The following PPFIA4 variants were observed in gnomAD, a reference collection of about 807,000 sequenced individuals.
The protein encoded by PPFIA4 is PPFI scaffold protein A4.
PPFIA4 carries 98 observed loss-of-function variants against 145.7 expected under a neutral mutation model. The observed-to-expected ratio is 0.67, with a 90% CI of 0.57 to 0.80. The LOEUF (loss-of-function observed/expected upper bound fraction) is 0.80. PPFIA4 is among the 30% of genes least tolerant of loss of function. The pLI is 0.00. For missense variants in PPFIA4, 1,457 were observed against 1,632.7 expected (o/e 0.89, Z 1.85); for synonymous variants, 628 against 649.6 (o/e 0.97, Z 0.51).
intron 1 of PPFIA4, chr1:203,035,677 G>A: frequency 2.2e-6 from 1 of 456,718 alleles, no homozygotes; most frequent in South Asian, 1.5e-5. Flanking sequence ...GAGTTGAGGA[G>A]GCTTCTGTTA....
At chr1:203,031,193 G>T (rs963707065) in intron 1 of PPFIA4, among the ~76,000 whole-genome samples, 4 of 152,116 alleles carry the variant, frequency 2.6e-5, no homozygotes, top group African/African-American at 9.7e-5. Context: ...GAGTAGCTGG[G>T]AATACAGGTG....
chr1:203,051,542 C>G (rs970543497), intron 13 of PPFIA4: 2 of 816,264 alleles, frequency 2.5e-6, no homozygotes, highest in Admixed American at 8.1e-5. Flanking sequence ...CGGAAAACCG[C>G]TCTCTGGAAC....
At position 203,038,832 on chromosome 1, in the gene PPFIA4, A is replaced by G. The variant is rs2102620937; in HGVS notation, c.-177A>G. 1 of 533,480 alleles carries G rather than the reference A, an allele frequency of 1.9e-6. No homozygotes were observed. 33.0% of individuals were successfully genotyped at this position (533,480 alleles called of 1,614,324 possible). A position where few individuals can be genotyped will look rare whatever the true frequency, so the allele number is the denominator to read the frequency against. On this transcript the variant is annotated 5_prime_UTR_variant, in exon 2 of 30. Transcript: ENST00000295706. ...GCTCAGTTCCACAGGGGCACTCCAG[A>G]CCCCAGGCCCCTTTCAGAGCAAAAG...
chr1:203,075,770 C>T lies in PPFIA4; in HGVS notation c.3574+13C>T, dbSNP rs750228650. 11 of 1,355,894 alleles carry T rather than the reference C, an allele frequency of 8.1e-6. No homozygotes were observed. The highest frequency in any genetic ancestry group is 2.0e-4 in the Middle Eastern group (1 of 5,006). The allele number at this position is 1,355,894 out of a possible 1,614,324, so 84.0% of individuals were successfully genotyped here. A position where few individuals can be genotyped will look rare whatever the true frequency, so the allele number is the denominator to read the frequency against. ...ATCATGCCTGAAGGTGAGTAACAGGCGGGCTGGGCATGGCCGAGGCCCAGC... is the reference window on the plus strand; with the variant it reads ...ATCATGCCTGAAGGTGAGTAACAGGTGGGCTGGGCATGGCCGAGGCCCAGC... On this transcript the variant is annotated intron_variant, in intron 29 of 29. Transcript: ENST00000295706. This position sits in a 1 kb window ranked among gnomAD's most constrained non-coding sequence, Gnocchi z 4.1.
At chr1:203,027,837 G>A (rs897423221) in intron 1 of PPFIA4, among the ~76,000 whole-genome samples, 7 of 152,158 alleles carry the variant, frequency 4.6e-5, no homozygotes, top group African/African-American at 1.7e-4. Flanking sequence ...TCCCCATTCT[G>A]TTACATTGCT....
rs753307268 is a variant in PPFIA4, at chr1:203,048,221, C to T, written c.1141-6C>T. 1 of 1,612,632 alleles carries T rather than the reference C, an allele frequency of 6.2e-7. No individual in the cohort carries two copies. Among genetic ancestry groups the T allele is most frequent in the Admixed American group, 1.7e-5 (1 of 59,986 alleles). ...GCGGGCTGCACCGACCCATCCCTGC[C>T]CCTAGGCTGAAGAACGGCATGGCAA... On this transcript the variant is annotated splice_polypyrimidine_tract_variant and splice_region_variant and intron_variant, in intron 9 of 29. Coordinates refer to ENST00000295706, the MANE Select transcript of PPFIA4 (RefSeq NM_001304331.2). The surrounding 1 kb of genome is among the most constrained non-coding windows in gnomAD (Gnocchi z 5.8).
At chr1:203,057,025 C>G (rs527624618) in intron 19 of PPFIA4, 75 bp downstream of exon 19, 9 of 1,580,770 alleles carry the variant, frequency 5.7e-6, no homozygotes, top group Admixed American at 5.1e-5. Flanking sequence ...CTTGGACTGG[C>G]CTTCTCTGCC....
At chr1:203,028,856 C>T (rs770441238) in intron 1 of PPFIA4, among the ~76,000 whole-genome samples, 3 of 152,142 alleles carry the variant, frequency 2.0e-5, no homozygotes, top group African/African-American at 7.2e-5. Flanking sequence ...CTGTCCCCCT[C>T]TGGCCTGCTA....
intron 1 of PPFIA4, among the ~76,000 whole-genome samples, chr1:203,029,201 C>T (rs914074595): frequency 3.3e-5 from 5 of 152,172 alleles, no homozygotes; most frequent in African/African-American, 1.2e-4. Context: ...CGATTGCTGC[C>T]CAGCTCATTG....
In PPFIA4 at chr1:203,055,321, G is replaced by A. The variant is rs1660847829; in HGVS notation, c.1830-111G>A. On this transcript the variant is annotated intron_variant, in intron 15 of 29. Transcript: ENST00000295706. This position sits in a 1 kb window ranked among gnomAD's most constrained non-coding sequence, Gnocchi z 4.8. ...TCCAGTGGGACAGACAAAGCCTGGC[G>A]GGTGTACACCGCATGTGGTCCTTGG... 5 of 1,389,434 alleles carry A rather than the reference G, an allele frequency of 3.6e-6. No homozygotes were observed. Among genetic ancestry groups the A allele is most frequent in the Non-Finnish European group, 5.0e-6 (5 of 992,084 alleles). The allele number at this position is 1,389,434 out of a possible 1,614,324, so 86.1% of individuals were successfully genotyped here.
Position 203,046,044 on chromosome 1 carries a change from C to T in PPFIA4, c.1005+57C>T, listed in dbSNP as rs1035908211. Reference sequence around the variant, plus strand: ...TTGTACTTAGCCCTGGAGGTGTCCTCGTGAACCTACTGGTGATGGCTGAGG... The same window carrying T: ...TTGTACTTAGCCCTGGAGGTGTCCTTGTGAACCTACTGGTGATGGCTGAGG... On this transcript the variant is annotated intron_variant, in intron 8 of 29. Transcript: ENST00000295706. 2.2e-5 allele frequency: 36 copies of T among 1,607,028 alleles called. No homozygotes were observed. In the African/African-American group the frequency reaches 2.7e-4, roughly 12 times the overall value.
intron 6 of PPFIA4, 128 bp from the exon 7 acceptor site, chr1:203,045,240 C>A: frequency 1.3e-6 from 1 of 796,194 alleles, no homozygotes; most frequent in Non-Finnish European, 2.0e-6. Context: ...CAGAGGAGTG[C>A]TGTGATGTTG....
chr1:203,045,394 G>A lies in PPFIA4; in HGVS notation c.693G>A (p.Leu231=), dbSNP rs1445228280. ...AGGATACGGGCCGGGTAGAGGAGCT[G>A]CAGGAGCTCCTGGAGAAGCAGAACT... ...WKEDTGRVEE[L]QELLEKQNFE... Residue 231 remains leucine, a synonymous_variant, in exon 7 of 30, where the codon CTG becomes CTA. Transcript: ENST00000295706. The A allele has an allele frequency of 1.2e-6, 2 of 1,606,268 alleles. No individual in the cohort carries two copies. Among genetic ancestry groups the A allele is most frequent in the South Asian group, 1.1e-5 (1 of 89,568 alleles).
rs1176343736 is a variant in PPFIA4, at chr1:203,077,611, T to C, written c.*1221T>C. On this transcript the variant is annotated 3_prime_UTR_variant, in exon 30 of 30. Coordinates refer to ENST00000295706, the MANE Select transcript of PPFIA4 (RefSeq NM_001304331.2). ...ACCTAACCCTCATCCAGGGCTATTT[T>C]GGTGGGCAGGGACTGCCTCCTCCCG... 6.6e-6 allele frequency: 1 copy of C among 152,200 alleles called. No individual in the cohort carries two copies. The highest frequency in any genetic ancestry group is 1.5e-5 in the Non-Finnish European group (1 of 68,038). 9.4% of individuals were successfully genotyped at this position (152,200 alleles called of 1,614,324 possible).
At chr1:203,056,534 G>A in intron 18 of PPFIA4, 26 bp downstream of exon 18, 1 of 1,608,724 alleles carries the variant, frequency 6.2e-7, no homozygotes, top group Non-Finnish European at 8.5e-7. Context: ...CCCACCTCCA[G>A]TCTCTCCATC....
rs1338692482 is a variant in PPFIA4 at position 203,048,939 on chromosome 1, G to A, written c.1378G>A (p.Glu460Lys). 6.5e-7 allele frequency: 1 copy of A among 1,548,402 alleles called. No homozygotes were observed. Among genetic ancestry groups the A allele is most frequent in the Non-Finnish European group, 8.7e-7 (1 of 1,146,862 alleles). ...EEKNTLIQEL[E>K]SSQRQIEEQH... ...CCAGAACACGTTGATCCAGGAGTTG[G>A]AGAGCTCCCAGCGGCAGATTGAGGA... Residue 460 changes from glutamate (E) to lysine (K), a missense_variant, in exon 12 of 30, where the codon GAG becomes AAG. Glu to Lys is a moderately conservative substitution (Grantham distance 56). Coordinates refer to ENST00000295706, the MANE Select transcript of PPFIA4 (RefSeq NM_001304331.2). The surrounding 1 kb of genome is among the most constrained non-coding windows in gnomAD (Gnocchi z 5.8).
At chr1:203,033,492 A>G (rs1363221507) in intron 1 of PPFIA4, among the ~76,000 whole-genome samples, 1 of 152,156 alleles carries the variant, frequency 6.6e-6, no homozygotes, top group Non-Finnish European at 1.5e-5. Flanking sequence ...TGATCTCAGC[A>G]CTTTGTGTAG....
At chr1:203,029,134 C>A (rs1164965292) in intron 1 of PPFIA4, among the ~76,000 whole-genome samples, 1 of 152,146 alleles carries the variant, frequency 6.6e-6, no homozygotes, top group East Asian at 1.9e-4. Flanking sequence ...CAGGGCTGGT[C>A]TGAGCCTGAG....
In PPFIA4 at chr1:203,060,391, C is replaced by G; in HGVS notation, c.2758C>G (p.Pro920Ala). Residue 920 changes from proline to alanine, a missense_variant, in exon 22 of 30, where the codon CCC (proline) becomes GCC (alanine). By Grantham distance (27) the Pro-to-Ala change is conservative. Transcript: ENST00000295706. This position sits in a 1 kb window ranked among gnomAD's most constrained non-coding sequence, Gnocchi z 4.8. ...AIQEMVSLTS[P>A]SAPPTSRTSS... is the part of the protein sequence containing the mutation. ...TCAGGAGATGGTGTCATTGACCAGC[C>G]CCTCTGCCCCACCCACCTCCAGGAC... 2.5e-6 allele frequency: 4 copies of G among 1,613,752 alleles called. No individual in the cohort carries two copies. The highest frequency in any genetic ancestry group is 3.4e-6 in the Non-Finnish European group (4 of 1,179,896).
Sources: gnomAD v4.1 joint callset for allele counts (sites outside exome capture counted in the v4.1 genomes callset) on GRCh38, gnomAD v4.1.1 for gene constraint, Gnocchi (gnomAD v3.1) non-coding constraint, MANE v1.5 for transcripts, NCBI Gene and HGNC (gene_info 2026-07-23, HGNC 2026-07-21) for gene names.